Variants in DNA2 observed in about 807,000 individuals in gnomAD.
DNA2 encodes the protein DNA replication helicase/nuclease 2.
A neutral mutation model predicts 119.1 loss-of-function variants in DNA2; 101 were observed. That is an observed-to-expected ratio of 0.85 (90% CI 0.72 to 1.00). The LOEUF is 1.00. Among genes scored for constraint, DNA2 ranks in the 50% least tolerant of loss-of-function variants. DNA2 has a pLI of 0.00. For synonymous variants in DNA2, 366 were observed against 424.4 expected, an observed-to-expected ratio of 0.86 and a Z score of 1.69; for missense variants, 1,121 against 1,255.5, an observed-to-expected ratio of 0.89 and a Z score of 1.62.
At chr10:68,449,095 G>T (rs2052084257) in intron 6 of DNA2, among the ~76,000 whole-genome samples, 1 of 151,998 alleles carries the variant, frequency 6.6e-6, no homozygotes, top group Admixed American at 6.6e-5. Context: ...CACTGTGCTG[G>T]CCTGAAATGC....
chr10:68,420,793 AAAAC>A (rs1293930147), intron 17 of DNA2, among the ~76,000 whole-genome samples: 1 of 152,124 alleles, frequency 6.6e-6, no homozygotes, highest in Admixed American at 6.6e-5. Context: ...AACAAAAACA[AAAAC>A]AAAAAAGTCG....
intron 14 of DNA2, chr10:68,424,714 ACGACG>A: frequency 6.2e-7 from 1 of 1,601,334 alleles, no homozygotes; most frequent in East Asian, 2.2e-5. Flanking sequence ...ATCCGCAAGG[ACGACG>A]AGGTCCAGGT....
rs778805630 is a variant in DNA2 at position 68,431,900 on chromosome 10, T to C, written c.1945A>G (p.Met649Val). 1 of 1,613,878 alleles carries C rather than the reference T, an allele frequency of 6.2e-7. No individual in the cohort carries two copies. Among genetic ancestry groups the C allele is most frequent in the South Asian group, 1.1e-5 (1 of 91,086 alleles). The part of the protein sequence containing the change: ...LSKDYTLIVG[M>V]PGTGKTTTIC... Reference sequence around the variant, plus strand: ...GTAGTTGTTTTTCCTGTCCCAGGCATACCCACGATGAGTGTGTAGTCTTTT... The same window carrying C: ...GTAGTTGTTTTTCCTGTCCCAGGCACACCCACGATGAGTGTGTAGTCTTTT... Residue 649 changes from methionine to valine, a missense_variant, in exon 13 of 21, where the codon ATG (methionine) becomes GTG (valine). Coordinates refer to ENST00000358410, the MANE Select transcript of DNA2 (RefSeq NM_001080449.3).
Position 68,466,801 on chromosome 10 carries a change from G to T in DNA2, c.442-989C>A, listed in dbSNP as rs187291960. On this transcript the variant is annotated intron_variant, in intron 3 of 20. Transcript: ENST00000358410. ...TGACCATGTCAGCCAGGATGGTCTT[G>T]ATCTCCTGACCTCGTGATCCGCCAG... Among the ~76,000 whole-genome samples, 608 of 152,194 alleles carry T rather than the reference G, an allele frequency of 4.0e-3. 8 individuals carry two copies. Among genetic ancestry groups the T allele is most frequent in the African/African-American group, 0.014 (587 of 41,538 alleles).
At chr10:68,460,085 TTTC>T (rs1250651903) in intron 4 of DNA2, among the ~76,000 whole-genome samples, 1 of 150,792 alleles carries the variant, frequency 6.6e-6, no homozygotes, top group Non-Finnish European at 1.5e-5. Flanking sequence ...GGTAATTTTT[TTTC>T]TTCTTTTTCT....
At chr10:68,470,784 A>G (rs1056653851) in intron 1 of DNA2, among the ~76,000 whole-genome samples, 1 of 152,176 alleles carries the variant, frequency 6.6e-6, no homozygotes, top group Non-Finnish European at 1.5e-5. Flanking sequence ...TGGTTCACTG[A>G]AAGTCCTATC....
intron 17 of DNA2, 111 bp downstream of exon 17, chr10:68,422,114 A>G: frequency 2.4e-6 from 2 of 844,620 alleles, no homozygotes; most frequent in Non-Finnish European, 3.5e-6. Context: ...CGCCCAGCCT[A>G]GTTTTGCCTT....
At chr10:68,448,369 C>T (rs915952344) in intron 6 of DNA2, among the ~76,000 whole-genome samples, 3 of 152,150 alleles carry the variant, frequency 2.0e-5, no homozygotes, top group Admixed American at 1.3e-4. Context: ...ACAGCTTTAG[C>T]TGTAAGTCAA....
intron 1 of DNA2, among the ~76,000 whole-genome samples, chr10:68,471,268 A>G (rs1369685732): frequency 6.6e-6 from 1 of 152,200 alleles, no homozygotes; most frequent in Non-Finnish European, 1.5e-5. Context: ...AAGATTGGCT[A>G]TGATGCCTTA....
intron 4 of DNA2, among the ~76,000 whole-genome samples, chr10:68,460,177 G>A (rs2052238521): frequency 6.6e-6 from 1 of 151,656 alleles, no homozygotes; most frequent in Non-Finnish European, 1.5e-5. Context: ...CGCTATCTCG[G>A]CTCATTGCAA....
At chr10:68,433,401 GT>G (rs2051846573) in intron 10 of DNA2, among the ~76,000 whole-genome samples, 1 of 152,070 alleles carries the variant, frequency 6.6e-6, no homozygotes, top group African/African-American at 2.4e-5. Flanking sequence ...TTTGCTTTTA[GT>G]TTTTCTTCCA....
intron 5 of DNA2, among the ~76,000 whole-genome samples, chr10:68,456,904 G>C (rs2133426947): frequency 6.6e-6 from 1 of 151,888 alleles, no homozygotes; most frequent in East Asian, 2.0e-4. Flanking sequence ...GGAGGCCAAG[G>C]TGGGCGGATT....
intron 9 of DNA2, among the ~76,000 whole-genome samples, chr10:68,442,172 C>T (rs938841401): frequency 6.6e-6 from 1 of 151,804 alleles, no homozygotes; most frequent in African/African-American, 2.4e-5. Flanking sequence ...GCTTCGGCAT[C>T]CCAAAGTGCT....
At chr10:68,451,409 A>T (rs2052116227) in intron 5 of DNA2, among the ~76,000 whole-genome samples, 1 of 152,208 alleles carries the variant, frequency 6.6e-6, no homozygotes, top group Non-Finnish European at 1.5e-5. Context: ...TGAAGGAACG[A>T]GAAGAGGTGG....
chr10:68,450,375 G>A, intron 5 of DNA2, 128 bp from the exon 6 acceptor site: 1 of 729,598 alleles, frequency 1.4e-6, no homozygotes, highest in Non-Finnish European at 2.2e-6. Flanking sequence ...CTTTACAGCA[G>A]TGATTTTCAA....
chr10:68,470,001 T>C lies in DNA2; in HGVS notation c.237A>G (p.Leu79=), dbSNP rs757833300. The change falls in exon 2 of 21, where the codon CTA becomes CTG. Residue 79 remains leucine (L), a synonymous_variant. Transcript: ENST00000358410. ...ATTACCAGTCATTCCTAAGGATGCA[T>C]AGTTCTTTATTTTCTAGTGACTGTG... ...TASQSLENKE[L]CILRNDWCSV... 4 of 1,605,494 alleles carry C rather than the reference T, an allele frequency of 2.5e-6. No homozygotes were observed. In the African/African-American group the frequency reaches 4.0e-5, roughly 16 times the overall value.
intron 2 of DNA2, among the ~76,000 whole-genome samples, chr10:68,469,471 C>CT (rs1305578928): frequency 1.4e-5 from 2 of 146,882 alleles, no homozygotes; most frequent in Admixed American, 6.8e-5. Context: ...ATTTTCTTTT[C>CT]TTTTTTTTGA....
rs1199640760 is a variant in DNA2, at chr10:68,431,890, G to T, written c.1955C>A (p.Thr652Lys). The T allele has an allele frequency of 6.2e-7, 1 of 1,613,360 alleles. No homozygotes were observed. The highest frequency in any genetic ancestry group is 1.7e-5 in the Admixed American group (1 of 59,968). Reference protein sequence around the residue: ...DYTLIVGMPGTGKTTTICTLV... With the variant: ...DYTLIVGMPGKGKTTTICTLV... ...AGTACATATCGTAGTTGTTTTTCCT[G>T]TCCCAGGCATACCCACGATGAGTGT... Residue 652 changes from threonine to lysine, a missense_variant, in exon 13 of 21, where the codon ACA becomes AAA. By Grantham distance (78) the Thr-to-Lys change is moderately conservative. Coordinates refer to ENST00000358410, the MANE Select transcript of DNA2 (RefSeq NM_001080449.3).
intron 5 of DNA2, among the ~76,000 whole-genome samples, chr10:68,455,691 C>G (rs2052173120): frequency 6.6e-6 from 1 of 151,846 alleles, no homozygotes; most frequent in Non-Finnish European, 1.5e-5. Context: ...CGTGGTGGCT[C>G]ATGCCTATAG....
Sources: gnomAD v4.1 joint callset for allele counts (sites outside exome capture counted in the v4.1 genomes callset) on GRCh38, gnomAD v4.1.1 for gene constraint, MANE v1.5 for transcripts, NCBI Gene and HGNC (gene_info 2026-07-23, HGNC 2026-07-21) for gene names.